Variants in PLA2R1 observed in about 807,000 individuals in gnomAD.
The protein encoded by PLA2R1 is secretory phospholipase A2 receptor.
PLA2R1 carries 158 observed loss-of-function variants against 195.9 expected under a neutral mutation model. The ratio of observed to expected loss-of-function variants is 0.81; its 90% confidence interval spans 0.71 to 0.92. PLA2R1 has a LOEUF of 0.92. Ranked by LOEUF, PLA2R1 falls within the 40% of genes least tolerant of loss-of-function variation. PLA2R1 has a pLI of 0.00. For missense variants in PLA2R1, 1,626 were observed against 1,764.6 expected, an observed-to-expected ratio of 0.92 and a Z score of 1.41; for synonymous variants, 586 against 598.2, an observed-to-expected ratio of 0.98 and a Z score of 0.30.
chr2:159,999,077 G>A (rs1451168475), intron 11 of PLA2R1, among the ~76,000 whole-genome samples: 1 of 152,064 alleles, frequency 6.6e-6, no homozygotes, highest in African/African-American at 2.4e-5. Flanking sequence ...CTGAGGGAGT[G>A]TCCTAGTCTT....
chr2:159,961,968 G>A (rs551892460), intron 20 of PLA2R1, among the ~76,000 whole-genome samples: 1 of 152,206 alleles, frequency 6.6e-6, no homozygotes, highest in East Asian at 1.9e-4. Flanking sequence ...CAGGACATAG[G>A]CATGAGCAAA....
At chr2:160,024,458 A>AGT (rs1693369438) in intron 6 of PLA2R1, among the ~76,000 whole-genome samples, 1 of 152,012 alleles carries the variant, frequency 6.6e-6, no homozygotes, top group African/African-American at 2.4e-5. Flanking sequence ...CATGTTCCCC[A>AGT]GTGTGTGTGC....
intron 8 of PLA2R1, 67 bp from the exon 9 acceptor site, chr2:160,016,779 C>T: frequency 1.4e-6 from 1 of 692,382 alleles, no homozygotes; most frequent in East Asian, 2.8e-5. Flanking sequence ...AATAGCAATT[C>T]TTATAAAAAA....
rs372564830 is a variant in PLA2R1 at position 159,976,686 on chromosome 2, G to A, written c.2436C>T (p.Tyr812=). The A allele has an allele frequency of 2.8e-5, 45 of 1,584,054 alleles. No individual in the cohort carries two copies. Among genetic ancestry groups the A allele is most frequent in the Middle Eastern group, 1.7e-4 (1 of 5,996 alleles). ...VKPKIPFWYQ[Y]DVPWLFYQDA... is the part of the protein sequence containing the mutation. Reference sequence around the variant, plus strand: ...AAGAGCTGCCAGAGTCATTCTTACCGTACTGGTACCAGAACGGAATCTTGG... The same window carrying A: ...AAGAGCTGCCAGAGTCATTCTTACCATACTGGTACCAGAACGGAATCTTGG... Residue 812 remains tyrosine, a splice_region_variant and synonymous_variant, in exon 16 of 30, where the codon TAC becomes TAT. Coordinates refer to ENST00000283243, the MANE Select transcript of PLA2R1 (RefSeq NM_007366.5).
chr2:159,925,829 T>C, the PLA2R1 span, among the ~76,000 whole-genome samples: 18 of 152,304 alleles, frequency 1.2e-4, no homozygotes, highest in Admixed American at 1.0e-3. Context: ...TTAGATGGGA[T>C]TGGCATTTTT....
At chr2:160,007,541 G>A (rs1307175751) in intron 10 of PLA2R1, among the ~76,000 whole-genome samples, 2 of 152,268 alleles carry the variant, frequency 1.3e-5, no homozygotes, top group Admixed American at 6.5e-5. Flanking sequence ...GGCACTGGCA[G>A]ATGCCGGCAG....
intron 17 of PLA2R1, among the ~76,000 whole-genome samples, chr2:159,974,638 T>G (rs1290187065): frequency 1.3e-5 from 2 of 152,174 alleles, no homozygotes; most frequent in South Asian, 4.1e-4. Flanking sequence ...ATATTGAACA[T>G]TATGGTTTTG....
At chr2:160,033,762 A>G (rs973691897) in intron 3 of PLA2R1, among the ~76,000 whole-genome samples, 2 of 152,232 alleles carry the variant, frequency 1.3e-5, no homozygotes, top group East Asian at 3.8e-4. Context: ...GTGGAGCTGA[A>G]GTCTGAAGTT....
intron 28 of PLA2R1, among the ~76,000 whole-genome samples, chr2:159,943,599 C>T (rs1381825720): frequency 6.6e-6 from 1 of 152,164 alleles, no homozygotes; most frequent in African/African-American, 2.4e-5. Flanking sequence ...TCAGTTTGCA[C>T]AGGCACTTTT....
chr2:160,000,558 C>G (rs1378150470), intron 11 of PLA2R1, among the ~76,000 whole-genome samples: 3 of 152,044 alleles, frequency 2.0e-5, no homozygotes, highest in African/African-American at 7.2e-5. Flanking sequence ...CTAGGCAAAA[C>G]CCACAAAATG....
At chr2:160,011,815 G>A (rs1395006921) in intron 10 of PLA2R1, among the ~76,000 whole-genome samples, 1 of 152,146 alleles carries the variant, frequency 6.6e-6, no homozygotes, top group African/African-American at 2.4e-5. Context: ...AACCTGGGAG[G>A]AGAAAGGTAG....
chr2:159,994,357 A>T (rs757540564), intron 11 of PLA2R1, among the ~76,000 whole-genome samples: 1 of 152,128 alleles, frequency 6.6e-6, no homozygotes, highest in Non-Finnish European at 1.5e-5. Flanking sequence ...GGCAGGAAAC[A>T]CAGAGATGAA....
intron 17 of PLA2R1, among the ~76,000 whole-genome samples, chr2:159,975,355 A>G (rs892404503): frequency 6.6e-6 from 1 of 152,192 alleles, no homozygotes; most frequent in Non-Finnish European, 1.5e-5. Context: ...GAAGGAACAC[A>G]CTGAAAAAGT....
rs781529400 is a variant in PLA2R1, at chr2:159,970,132, G to C, written c.2660+16C>G. 3 of 1,544,820 alleles carry C rather than the reference G, an allele frequency of 1.9e-6. No homozygotes were observed. The highest frequency in any genetic ancestry group is 2.7e-6 in the Non-Finnish European group (3 of 1,124,568). ...CTGTCAAACAAAATTAAATGCAAAT[G>C]AATCTAGGTTCATACCGAAATTCAT... On this transcript the variant is annotated intron_variant, in intron 18 of 29. Transcript: ENST00000283243.
At chr2:159,996,259 T>C (rs956091110) in intron 11 of PLA2R1, among the ~76,000 whole-genome samples, 2 of 152,092 alleles carry the variant, frequency 1.3e-5, no homozygotes, top group Non-Finnish European at 2.9e-5. Context: ...AAAAATCAGA[T>C]AAAATCTGAT....
At chr2:159,927,374 T>C (rs1344197408), downstream of PLA2R1, among the ~76,000 whole-genome samples, 1 of 152,200 alleles carries the variant, frequency 6.6e-6, no homozygotes, top group African/African-American at 2.4e-5. Flanking sequence ...TAGCTTTTCA[T>C]AAGAATGCAT....
intron 6 of PLA2R1, among the ~76,000 whole-genome samples, chr2:160,026,861 G>A (rs534404086): frequency 4.6e-5 from 7 of 152,178 alleles, no homozygotes; most frequent in African/African-American, 7.2e-5. Flanking sequence ...TAGGCTGCGC[G>A]TGGTGGCTCA....
chr2:160,020,862 TC>T (rs1391023881), intron 7 of PLA2R1, among the ~76,000 whole-genome samples: 4 of 152,182 alleles, frequency 2.6e-5, no homozygotes, highest in African/African-American at 7.2e-5. Context: ...CCCCATAATA[TC>T]CAGATCTGCT....
In PLA2R1 at chr2:159,946,761, T is replaced by C. The variant is rs373086933; in HGVS notation, c.3967+40A>G. On this transcript the variant is annotated intron_variant, in intron 27 of 29. Transcript: ENST00000283243. ...CCATTATCATCAGCTTTAACAACCA[T>C]GTATTTATTTATGTCCTCTCCTCTA... is the stretch of plus-strand genomic sequence containing the variant. The C allele has an allele frequency of 5.8e-6, 9 of 1,553,712 alleles. No homozygotes were observed. In the African/African-American group the frequency reaches 9.9e-5, roughly 17 times the overall value.
Sources: gnomAD v4.1 joint callset for allele counts (sites outside exome capture counted in the v4.1 genomes callset) on GRCh38, gnomAD v4.1.1 for gene constraint, MANE v1.5 for transcripts, NCBI Gene and HGNC (gene_info 2026-07-23, HGNC 2026-07-21) for gene names.